The following PDE1C variants were observed in gnomAD, a reference collection of about 807,000 sequenced individuals.
PDE1C encodes the protein phosphodiesterase 1C, also known as dual specificity calcium/calmodulin-dependent 3',5'-cyclic nucleotide phosphodiesterase 1C.
Under a neutral mutation model 93.1 loss-of-function variants are expected in PDE1C, and 62 were observed. The ratio of observed to expected loss-of-function variants is 0.67; its 90% CI spans 0.54 to 0.82. The LOEUF (loss-of-function observed/expected upper bound fraction) is 0.82. Among genes scored for constraint, PDE1C ranks in the 40% least tolerant of loss-of-function variants. The probability of loss-of-function intolerance (pLI) is 0.00; values close to 1 mark genes in which losing one functional copy is unlikely to be tolerated. For missense variants in PDE1C, 742 were observed against 884.6 expected (o/e 0.84, Z 2.04); for synonymous variants, 325 against 310.1 (o/e 1.05, Z -0.50).
intron 9 of PDE1C, among the ~76,000 whole-genome samples, chr7:31,840,750 T>C (rs537842679): frequency 6.6e-6 from 1 of 152,280 alleles, no homozygotes; most frequent in African/African-American, 2.4e-5. Flanking sequence ...ATTTCAAAAC[T>C]CTCAATTCTG....
intron 9 of PDE1C, among the ~76,000 whole-genome samples, chr7:31,838,745 T>C (rs1214556254): frequency 6.6e-6 from 1 of 152,134 alleles, no homozygotes; most frequent in Non-Finnish European, 1.5e-5. Context: ...AACGACTTTA[T>C]TGAGGTATAA....
intron 3 of PDE1C, among the ~76,000 whole-genome samples, chr7:32,122,101 A>G (rs933127570): frequency 2.0e-5 from 3 of 152,224 alleles, no homozygotes; most frequent in Admixed American, 2.0e-4. Context: ...ACTTTAAACC[A>G]ACAAAGATCA....
At chr7:31,618,596 G>A in the PDE1C span, among the ~76,000 whole-genome samples, 1 of 152,108 alleles carries the variant, frequency 6.6e-6, no homozygotes, top group African/African-American at 2.4e-5. Flanking sequence ...AGTCCAGAAA[G>A]GCCAAAAAGC....
At chr7:31,898,919 A>G (rs1028395822) in intron 2 of PDE1C, among the ~76,000 whole-genome samples, 2 of 152,160 alleles carry the variant, frequency 1.3e-5, no homozygotes, top group Non-Finnish European at 2.9e-5. Context: ...TAAGATGACC[A>G]TCTTTCACTA....
At chr7:31,791,567 TAG>T (rs1307701200) in intron 16 of PDE1C, among the ~76,000 whole-genome samples, 3 of 152,118 alleles carry the variant, frequency 2.0e-5, no homozygotes, top group Admixed American at 2.0e-4. Context: ...AGGCTTCTTT[TAG>T]AGAGTCATCA....
At chr7:32,330,044 A>T (rs1184062184) in intron 1 of PDE1C, among the ~76,000 whole-genome samples, 1 of 152,262 alleles carries the variant, frequency 6.6e-6, no homozygotes, top group African/African-American at 2.4e-5. Flanking sequence ...CATCTCCCAG[A>T]TCAACCAAAT....
chr7:31,904,702 T>C (rs1056428818), intron 2 of PDE1C, among the ~76,000 whole-genome samples: 6 of 152,112 alleles, frequency 3.9e-5, no homozygotes, highest in African/African-American at 1.2e-4. Flanking sequence ...CCCATCTCAA[T>C]TGCAAGTAAA....
chr7:32,106,169 T>G (rs1339043738), intron 3 of PDE1C, among the ~76,000 whole-genome samples: 1 of 152,112 alleles, frequency 6.6e-6, no homozygotes, highest in African/African-American at 2.4e-5. Context: ...CGTGCCACCA[T>G]ACTCGGCTAA....
intron 1 of PDE1C, among the ~76,000 whole-genome samples, chr7:32,255,017 A>C (rs772901567): frequency 7.2e-5 from 11 of 152,230 alleles, no homozygotes; most frequent in Non-Finnish European, 1.2e-4. Flanking sequence ...AGCCAGCCTA[A>C]GTTAGATGAA....
intron 2 of PDE1C, among the ~76,000 whole-genome samples, chr7:32,041,987 G>A (rs1163044498): frequency 6.6e-6 from 1 of 152,062 alleles, no homozygotes; most frequent in Non-Finnish European, 1.5e-5. Context: ...AAAAAGGAGG[G>A]GCTCCACAGC....
intron 2 of PDE1C, 28 bp from the exon 3 acceptor site, chr7:31,880,888 T>A (rs750152375): frequency 2.3e-6 from 3 of 1,319,920 alleles, no homozygotes; most frequent in South Asian, 2.4e-5. Context: ...CATAATTTCA[T>A]TAGAATAGAG....
At chr7:31,846,014 G>C (rs562190665) in intron 9 of PDE1C, among the ~76,000 whole-genome samples, 11 of 151,736 alleles carry the variant, frequency 7.2e-5, no homozygotes, top group African/African-American at 2.4e-4. Context: ...AATAATAAAA[G>C]GTTTGAATAT....
At chr7:31,928,037 C>A (rs540993120) in intron 2 of PDE1C, among the ~76,000 whole-genome samples, 1 of 152,074 alleles carries the variant, frequency 6.6e-6, no homozygotes, top group East Asian at 1.9e-4. Context: ...AAGCTAAGAA[C>A]CTTGATAAAA....
Position 31,837,999 on chromosome 7 carries a change from G to T in PDE1C, c.981-28C>A, listed in dbSNP as rs746721489. 52 of 1,441,400 alleles carry T rather than the reference G, an allele frequency of 3.6e-5. No individual in the cohort carries two copies. In the Middle Eastern group the frequency reaches 1.9e-3, roughly 54 times the overall value. 89.3% of individuals were successfully genotyped at this position (1,441,400 alleles called of 1,614,324 possible). On this transcript the variant is annotated intron_variant, in intron 9 of 17. Coordinates refer to ENST00000396191, the MANE Select transcript of PDE1C (RefSeq NM_001191057.4). Reference sequence around the variant, plus strand: ...TTTAGAGACAACCATGGAGAAAAAAGGATGGAAGTCAAAAATGGAAAGTAA... The same window carrying T: ...TTTAGAGACAACCATGGAGAAAAAATGATGGAAGTCAAAAATGGAAAGTAA...
chr7:32,413,251 T>G (rs983405625), intron 1 of PDE1C, among the ~76,000 whole-genome samples: 4 of 152,056 alleles, frequency 2.6e-5, no homozygotes, highest in African/African-American at 9.7e-5. Flanking sequence ...GGTAGACAGA[T>G]GGATAGATAA....
intron 9 of PDE1C, 123 bp downstream of exon 9, chr7:31,847,843 AAG>A (rs1278083544): frequency 2.2e-5 from 22 of 993,408 alleles, no homozygotes; most frequent in Admixed American, 1.1e-4. Flanking sequence ...GAGAGAAAGA[AAG>A]AGAGAGAAAG....
intron 9 of PDE1C, 63 bp from the exon 10 acceptor site, chr7:31,838,034 T>G (rs940954462): frequency 1.7e-4 from 153 of 902,384 alleles, no homozygotes; most frequent in Admixed American, 4.7e-4. Context: ...AAAATCAGTG[T>G]TTTTTTTTTG....
At chr7:31,722,727 G>A in the PDE1C span, among the ~76,000 whole-genome samples, 1 of 152,186 alleles carries the variant, frequency 6.6e-6, no homozygotes, top group Admixed American at 6.5e-5. Flanking sequence ...GCCTAGGAAG[G>A]ATCAAGGCTT....
At chr7:32,362,292 A>G (rs757121670) in intron 1 of PDE1C, among the ~76,000 whole-genome samples, 101 of 151,806 alleles carry the variant, frequency 6.7e-4, no homozygotes, top group Non-Finnish European at 1.1e-3. Flanking sequence ...ATGGGGGGAG[A>G]ATCTGGCTAT....
Sources: allele counts gnomAD v4.1 joint callset (sites outside exome capture counted in the v4.1 genomes callset), GRCh38; gene constraint gnomAD v4.1.1; transcripts MANE v1.5; gene names NCBI Gene and HGNC (gene_info 2026-07-23, HGNC 2026-07-21).